The following USP39 variants were observed in gnomAD, a reference collection of about 807,000 sequenced individuals.
USP39 encodes the protein ubiquitin specific peptidase 39, also known as ubiquitin carboxyl-terminal hydrolase 39.
A neutral mutation model predicts 66.4 loss-of-function variants in USP39; 38 were observed. That is an observed-to-expected ratio of 0.57 (90% CI 0.44 to 0.75). The LOEUF is 0.75. Among genes scored for constraint, USP39 ranks in the 30% least tolerant of loss-of-function variants. The pLI, the probability that USP39 is intolerant of heterozygous loss-of-function variation, is 0.00. For synonymous variants in USP39, 303 were observed against 274.6 expected (o/e 1.10, Z -1.02); for missense variants, 608 against 714.4 (o/e 0.85, Z 1.70).
chr2:85,641,918 AAAAAAAAAAAAG>A (rs1419460400), intron 10 of USP39, among the ~76,000 whole-genome samples: 8 of 149,818 alleles, frequency 5.3e-5, no homozygotes, highest in Non-Finnish European at 8.9e-5. Context: ...AAAAAAAAAA[AAAAAAAAAAAAG>A]AAAGAAAGAA....
At chr2:85,612,194 C>G (rs1266926974), upstream of USP39, 2 of 1,058,014 alleles carry the variant, frequency 1.9e-6, no homozygotes, top group African/African-American at 1.6e-5. Flanking sequence ...CTTCCACCCC[C>G]CGGACGGAGG....
chr2:85,616,683 T>C (rs948491165), intron 1 of USP39, among the ~76,000 whole-genome samples: 5 of 146,686 alleles, frequency 3.4e-5, no homozygotes, highest in Admixed American at 6.8e-5. Flanking sequence ...TTTTTCTTTT[T>C]TTTTTTTTTT....
chr2:85,616,502 T>C, intron 1 of USP39, 39 bp downstream of exon 1: 2 of 1,411,540 alleles, frequency 1.4e-6, no homozygotes, highest in Non-Finnish European at 1.9e-6. Flanking sequence ...GAGAGCCTGT[T>C]TTTTTCGCGT....
chr2:85,623,624 A>G (rs1479960310), intron 3 of USP39, 22 bp from the exon 4 acceptor site: 3 of 1,606,608 alleles, frequency 1.9e-6, no homozygotes, highest in Non-Finnish European at 2.5e-6. Flanking sequence ...CTTCTATTAC[A>G]GCTTTTCACC....
At chr2:85,628,292 C>T (rs184756405) in intron 5 of USP39, among the ~76,000 whole-genome samples, 17 of 152,114 alleles carry the variant, frequency 1.1e-4, no homozygotes, top group African/African-American at 3.1e-4. Flanking sequence ...ACTACAGGTG[C>T]GTGCCACCAT....
intron 11 of USP39, 194 bp downstream of exon 11, chr2:85,645,277 CTTTTTTT>C: frequency 5.4e-6 from 2 of 367,270 alleles, no homozygotes; most frequent in South Asian, 3.1e-5. Flanking sequence ...ACCTTGGGAG[CTTTTTTT>C]TTTTTTTTTT....
At chr2:85,613,234 C>T (rs1255248318), upstream of USP39, among the ~76,000 whole-genome samples, 7 of 151,888 alleles carry the variant, frequency 4.6e-5, no homozygotes, top group Admixed American at 6.6e-5. Context: ...AAGAGCCGGG[C>T]GTGGTGGCTC....
chr2:85,608,103 C>T (rs935472184), upstream of USP39: 2 of 152,180 alleles, frequency 1.3e-5, no homozygotes, highest in African/African-American at 4.8e-5. Context: ...GAGCAGAGGA[C>T]AGTCTGTTCA....
upstream of USP39, chr2:85,612,501 A>G: frequency 2.2e-6 from 2 of 898,144 alleles, no homozygotes; most frequent in Non-Finnish European, 3.2e-6. Context: ...TGAAGTGCTC[A>G]GGCAGGGCAA....
chr2:85,622,175 C>T (rs1386742222), intron 3 of USP39, among the ~76,000 whole-genome samples: 2 of 150,468 alleles, frequency 1.3e-5, no homozygotes, highest in Non-Finnish European at 3.0e-5. Context: ...GGCTGCAGTG[C>T]AGTGACGTGA....
In USP39 at chr2:85,631,994, G is replaced by A. The variant is rs1030827769; in HGVS notation, c.949+1048G>A. ...TGACCTCAAGTGATCCACCCGCTTC[G>A]GCCTCCCAAAGTGTTGGGATTACGG... On this transcript the variant is annotated intron_variant, in intron 6 of 12. Coordinates refer to ENST00000323701, the MANE Select transcript of USP39 (RefSeq NM_006590.4). 2.1e-4 allele frequency among the ~76,000 whole-genome samples: 32 copies of A among 151,868 alleles called. 1 individual carries two copies. The highest frequency in any genetic ancestry group is 1.9e-4 in the Non-Finnish European group (13 of 67,980).
upstream of USP39, chr2:85,611,878 C>G (rs758299105): frequency 6.3e-7 from 1 of 1,597,522 alleles, no homozygotes; most frequent in Non-Finnish European, 8.5e-7. Context: ...GGGGCGGTAC[C>G]GAGCGATCTG....
At chr2:85,633,081 G>A (rs984650703) in intron 6 of USP39, among the ~76,000 whole-genome samples, 2 of 152,118 alleles carry the variant, frequency 1.3e-5, no homozygotes, top group African/African-American at 4.8e-5. Flanking sequence ...GCTACCATAA[G>A]GAGCTTGGAT....
chr2:85,639,167 A>G (rs369684916), intron 8 of USP39, 36 bp from the exon 9 acceptor site: 16 of 1,586,876 alleles, frequency 1.0e-5, no homozygotes, highest in South Asian at 3.4e-5. Flanking sequence ...TACCCGTCAC[A>G]CTCCTTTCCT....
At chr2:85,608,986 G>A (rs779050104), upstream of USP39, 11 of 1,614,118 alleles carry the variant, frequency 6.8e-6, no homozygotes, top group South Asian at 2.2e-5. Context: ...TCCTGGATAC[G>A]CAACTTGAGG....
At chr2:85,619,355 C>T in intron 2 of USP39, 66 bp downstream of exon 2, 1 of 1,543,360 alleles carries the variant, frequency 6.5e-7, no homozygotes, top group Non-Finnish European at 8.9e-7. Flanking sequence ...AGTTTTTGGA[C>T]TGTACAGTGA....
intron 5 of USP39, among the ~76,000 whole-genome samples, chr2:85,629,799 C>G (rs1037828608): frequency 9.2e-5 from 14 of 151,922 alleles, no homozygotes; most frequent in African/African-American, 3.4e-4. Flanking sequence ...GCCTGGCCGA[C>G]CATTTTCCGT....
intron 6 of USP39, among the ~76,000 whole-genome samples, chr2:85,631,654 AAG>A (rs1403362585): frequency 1.3e-5 from 2 of 152,186 alleles, no homozygotes; most frequent in African/African-American, 4.8e-5. Flanking sequence ...GAGGCTGGGA[AAG>A]ACACTAGCTT....
intron 5 of USP39, among the ~76,000 whole-genome samples, chr2:85,630,038 T>G (rs1206576390): frequency 6.6e-6 from 1 of 152,012 alleles, no homozygotes; most frequent in Non-Finnish European, 1.5e-5. Flanking sequence ...TCTTTAGTGG[T>G]GATTTCTGAG....
Sources: allele counts gnomAD v4.1 joint callset (sites outside exome capture counted in the v4.1 genomes callset), GRCh38; gene constraint gnomAD v4.1.1; transcripts MANE v1.5; gene names NCBI Gene and HGNC (gene_info 2026-07-23, HGNC 2026-07-21).